The following PRKG1 variants were observed in gnomAD, a reference collection of about 807,000 sequenced individuals.
PRKG1 encodes cGMP-dependent protein kinase 1.
PRKG1 carries 35 observed loss-of-function variants against 88.1 expected under a neutral mutation model. The observed-to-expected ratio is 0.40, with a 90% CI of 0.30 to 0.53. The LOEUF is 0.53. Among genes scored for constraint, PRKG1 ranks in the 20% least tolerant of loss-of-function variants. The pLI, the probability that PRKG1 is intolerant of heterozygous loss-of-function variation, is 0.59. For synonymous variants in PRKG1, 303 were observed against 292.5 expected (o/e 1.04, Z -0.37); for missense variants, 540 against 839.8 (o/e 0.64, Z 4.41).
At chr10:52,088,747 G>A (rs973486419) in intron 7 of PRKG1, among the ~76,000 whole-genome samples, 7 of 152,132 alleles carry the variant, frequency 4.6e-5, no homozygotes, top group Non-Finnish European at 8.8e-5. Context: ...TTGTGTTATG[G>A]CAGCAGAAAC....
chr10:51,294,606 A>G (rs887915367), intron 2 of PRKG1, among the ~76,000 whole-genome samples: 1 of 152,192 alleles, frequency 6.6e-6, no homozygotes, highest in Middle Eastern at 3.2e-3. Context: ...ATTTAAAGTA[A>G]TGGGAATACC....
chr10:51,272,630 A>G (rs1840010949), intron 2 of PRKG1, among the ~76,000 whole-genome samples: 1 of 152,178 alleles, frequency 6.6e-6, no homozygotes, highest in Non-Finnish European at 1.5e-5. Context: ...AAATGGTTGC[A>G]TGCTTTATGT....
intron 2 of PRKG1, among the ~76,000 whole-genome samples, chr10:51,431,236 A>T (rs1838761703): frequency 6.6e-6 from 1 of 152,160 alleles, no homozygotes; most frequent in African/African-American, 2.4e-5. Context: ...TGACAAAGTG[A>T]TGACATGGAG....
chr10:51,897,997 C>G (rs1472069910), intron 4 of PRKG1, among the ~76,000 whole-genome samples: 1 of 152,068 alleles, frequency 6.6e-6, no homozygotes, highest in Admixed American at 6.6e-5. Flanking sequence ...CCTGACCCCA[C>G]CCTTACCTCT....
At chr10:51,039,855 T>C (rs1045512304) in intron 1 of PRKG1, among the ~76,000 whole-genome samples, 6 of 152,136 alleles carry the variant, frequency 3.9e-5, no homozygotes, top group African/African-American at 1.4e-4. Context: ...TGTTCTTCCA[T>C]GATGCATGTG....
intron 9 of PRKG1, among the ~76,000 whole-genome samples, chr10:52,249,750 G>A (rs1394395989): frequency 1.3e-5 from 2 of 152,074 alleles, no homozygotes; most frequent in Non-Finnish European, 2.9e-5. Context: ...TTGAAACCTG[G>A]GAAGTGGAGG....
At chr10:51,927,140 C>T (rs1033729069) in intron 5 of PRKG1, among the ~76,000 whole-genome samples, 1 of 152,134 alleles carries the variant, frequency 6.6e-6, no homozygotes, top group Non-Finnish European at 1.5e-5. Flanking sequence ...CTATCCAAAT[C>T]TCATTTTGAA....
intron 6 of PRKG1, among the ~76,000 whole-genome samples, chr10:52,061,468 T>A (rs562462122): frequency 8.5e-5 from 13 of 152,214 alleles, no homozygotes; most frequent in Admixed American, 3.9e-4. Flanking sequence ...GACAGTTTTG[T>A]GAATGTTAGT....
intron 9 of PRKG1, among the ~76,000 whole-genome samples, chr10:52,178,727 C>T (rs1838932978): frequency 6.6e-6 from 1 of 152,018 alleles, no homozygotes; most frequent in Admixed American, 6.6e-5. Flanking sequence ...TGAATTGATA[C>T]CTTTATTATT....
chr10:51,697,148 T>C (rs981993139), intron 3 of PRKG1: 1 of 152,784 alleles, frequency 6.5e-6, no homozygotes, highest in African/African-American at 2.4e-5. Flanking sequence ...AACCTTATCC[T>C]GTTAACTCTG....
intron 1 of PRKG1, among the ~76,000 whole-genome samples, chr10:51,104,472 A>T (rs1392057131): frequency 6.6e-6 from 1 of 152,200 alleles, no homozygotes; most frequent in Non-Finnish European, 1.5e-5. Context: ...ACTGAGAGGA[A>T]GTGGAAAGCC....
chr10:51,431,251 C>T (rs1214751406), intron 2 of PRKG1, among the ~76,000 whole-genome samples: 1 of 152,098 alleles, frequency 6.6e-6, no homozygotes, highest in Non-Finnish European at 1.5e-5. Context: ...ATGGAGAGAT[C>T]CTTGTAATTG....
chr10:52,217,365 T>TAC (rs760139267), intron 9 of PRKG1, among the ~76,000 whole-genome samples: 16 of 150,774 alleles, frequency 1.1e-4, no homozygotes, highest in Non-Finnish European at 2.1e-4. Context: ...TATATATATA[T>TAC]ACACATATAC....
chr10:51,503,175 G>A (rs1841082969), intron 3 of PRKG1, among the ~76,000 whole-genome samples: 1 of 152,092 alleles, frequency 6.6e-6, no homozygotes. Flanking sequence ...TTTCCTGAGT[G>A]CTCTCACTAC....
In PRKG1 at chr10:51,743,737, A is replaced by T. The variant is rs375883672; in HGVS notation, c.593-60848A>T. Among the ~76,000 whole-genome samples, 252 of 40,234 alleles carry T rather than the reference A, an allele frequency of 6.3e-3. 3 individuals carry two copies. The highest frequency in any genetic ancestry group is 0.011 in the African/African-American group (130 of 11,560). 26.4% of individuals were successfully genotyped at this position (40,234 alleles called of 152,430 possible). A position where few individuals can be genotyped will look rare whatever the true frequency, so the allele number is the denominator to read the frequency against. ...ATATATATATATATAATATAAACTA[A>T]ATATATATATATATATATATATATA... is the stretch of plus-strand genomic sequence containing the variant. On this transcript the variant is annotated intron_variant, in intron 3 of 17. Transcript: ENST00000373980.
intron 3 of PRKG1, among the ~76,000 whole-genome samples, chr10:51,519,987 C>T (rs1306093483): frequency 6.6e-6 from 1 of 152,068 alleles, no homozygotes; most frequent in Admixed American, 6.6e-5. Context: ...TTACAACAAA[C>T]CTATAAGGTG....
chr10:51,184,459 G>T (rs898441674), intron 2 of PRKG1, among the ~76,000 whole-genome samples: 2 of 150,946 alleles, frequency 1.3e-5, no homozygotes, highest in Non-Finnish European at 2.9e-5. Flanking sequence ...ACCGTATTTT[G>T]TTTCCAAACA....
At chr10:52,202,762 G>C (rs1839710994) in intron 9 of PRKG1, among the ~76,000 whole-genome samples, 1 of 152,036 alleles carries the variant, frequency 6.6e-6, no homozygotes, top group Non-Finnish European at 1.5e-5. Flanking sequence ...TTGAGAAGTG[G>C]TAAGTTTCCA....
intron 2 of PRKG1, among the ~76,000 whole-genome samples, chr10:51,444,809 A>C (rs1479606439): frequency 6.6e-6 from 1 of 152,004 alleles, no homozygotes; most frequent in Non-Finnish European, 1.5e-5. Context: ...CAAAATACAA[A>C]GTTTGCCTTT....
Sources: allele counts gnomAD v4.1 joint callset (sites outside exome capture counted in the v4.1 genomes callset), GRCh38; gene constraint gnomAD v4.1.1; transcripts MANE v1.5; gene names NCBI Gene and HGNC (gene_info 2026-07-23, HGNC 2026-07-21).